The following NBAS variants were observed in gnomAD, a reference collection of about 807,000 sequenced individuals.
NBAS encodes NAG/BC035112 fusion.
NBAS carries 219 observed loss-of-function variants against 302.5 expected under a neutral mutation model. That is an observed-to-expected ratio of 0.72 (90% CI 0.65 to 0.81). NBAS has a LOEUF of 0.81. Ranked by LOEUF, NBAS falls within the 30% of genes least tolerant of loss-of-function variation. NBAS has a pLI of 0.00. For missense variants in NBAS, 2,932 were observed against 2,841.6 expected, an observed-to-expected ratio of 1.03 and a Z score of -0.72; for synonymous variants, 1,118 against 1,021.6, an observed-to-expected ratio of 1.09 and a Z score of -1.80.
chr2:14,807,694 G>A, the NBAS span, among the ~76,000 whole-genome samples: 2 of 151,960 alleles, frequency 1.3e-5, no homozygotes, highest in African/African-American at 4.8e-5. Flanking sequence ...TCACCTAAAG[G>A]CAAAGTGATG....
At chr2:14,945,174 T>G in the NBAS span, among the ~76,000 whole-genome samples, 1 of 152,280 alleles carries the variant, frequency 6.6e-6, no homozygotes, top group Non-Finnish European at 1.5e-5. Flanking sequence ...AATATCCCCT[T>G]TGGGACTTCC....
At chr2:15,425,813 A>G (rs1677443526) in intron 22 of NBAS, among the ~76,000 whole-genome samples, 1 of 152,132 alleles carries the variant, frequency 6.6e-6, no homozygotes, top group South Asian at 2.1e-4. Context: ...TCAGTTCTGC[A>G]TATTTATTTC....
At chr2:14,797,114 AC>A in the NBAS span, among the ~76,000 whole-genome samples, 30 of 135,156 alleles carry the variant, frequency 2.2e-4, no homozygotes, top group African/African-American at 8.2e-4. Context: ...AAAAAAAAAA[AC>A]CAAAAACAGA....
At chr2:15,460,312 AG>A (rs1317278406) in intron 21 of NBAS, among the ~76,000 whole-genome samples, 15 of 152,180 alleles carry the variant, frequency 9.9e-5, no homozygotes, top group Admixed American at 9.8e-4. Context: ...TAAGCAAGAC[AG>A]GGACTTCAAC....
intron 6 of NBAS, among the ~76,000 whole-genome samples, chr2:15,542,132 A>G: frequency 1.2e-5 from 1 of 84,254 alleles, no homozygotes; most frequent in Non-Finnish European, 2.8e-5. Context: ...AGGTGTACCC[A>G]ACAGCTCATT....
intron 11 of NBAS, among the ~76,000 whole-genome samples, chr2:15,495,887 A>G (rs945135326): frequency 1.3e-5 from 2 of 152,290 alleles, no homozygotes; most frequent in Admixed American, 6.5e-5. Flanking sequence ...CAACTCCTCA[A>G]ATGGCTAAAC....
chr2:15,536,942 G>A (rs1227445082), intron 7 of NBAS, among the ~76,000 whole-genome samples: 2 of 152,146 alleles, frequency 1.3e-5, no homozygotes, highest in African/African-American at 4.8e-5. Flanking sequence ...AGTAGCCTGC[G>A]GTAAAAAAGT....
chr2:15,030,608 G>A, the NBAS span, among the ~76,000 whole-genome samples: 3 of 152,086 alleles, frequency 2.0e-5, no homozygotes, highest in East Asian at 3.9e-4. Context: ...TGGCAGTGCC[G>A]TGTGTGTGAG....
the NBAS span, among the ~76,000 whole-genome samples, chr2:14,887,338 G>T: frequency 1.3e-5 from 2 of 148,806 alleles, no homozygotes; most frequent in East Asian, 3.9e-4. Context: ...AGGAGGTGGA[G>T]GTTGCAGTGA....
intron 21 of NBAS, among the ~76,000 whole-genome samples, chr2:15,432,771 A>G (rs2148494537): frequency 6.6e-6 from 1 of 152,324 alleles, no homozygotes; most frequent in East Asian, 1.9e-4. Context: ...GGTTGACATC[A>G]CTGAACAAGT....
At chr2:15,427,578 A>C (rs1416328070) in intron 22 of NBAS, 133 bp downstream of exon 22, 1 of 743,574 alleles carries the variant, frequency 1.3e-6, no homozygotes, top group Non-Finnish European at 2.3e-6. Flanking sequence ...AGGAGTTTAA[A>C]ACTTCACTCA....
chr2:15,404,232 C>T (rs1455206595), intron 25 of NBAS, among the ~76,000 whole-genome samples: 1 of 152,134 alleles, frequency 6.6e-6, no homozygotes, highest in Non-Finnish European at 1.5e-5. Flanking sequence ...AGCCAGGATT[C>T]AAACCAGGCA....
At chr2:15,040,614 C>T in the NBAS span, among the ~76,000 whole-genome samples, 1 of 152,194 alleles carries the variant, frequency 6.6e-6, no homozygotes. Context: ...AGCAGTTGGC[C>T]TGCACCAAGC....
the NBAS span, among the ~76,000 whole-genome samples, chr2:15,001,525 ATATAGT>A: frequency 6.6e-6 from 1 of 152,212 alleles, no homozygotes; most frequent in Non-Finnish European, 1.5e-5. Context: ...TAGATTACAA[ATATAGT>A]TATATTACAA....
Position 15,461,272 on chromosome 2 carries a change from G to A in NBAS, c.2268C>T (p.Arg756=). The A allele has an allele frequency of 6.2e-7, 1 of 1,613,416 alleles. No homozygotes were observed. The highest frequency in any genetic ancestry group is 8.5e-7 in the Non-Finnish European group (1 of 1,179,500). ...CTGGAAAGTTGGACAGAATTGCAAG[G>A]CGATGAGGAAGCAGGTCGGAACCAT... ...TYHGSDLLPH[R]LAILSNFPET... The change falls in exon 21 of 52, where the codon CGC becomes CGT. Residue 756 remains arginine, a synonymous_variant. Coordinates refer to ENST00000281513, the MANE Select transcript of NBAS (RefSeq NM_015909.4).
intron 21 of NBAS, among the ~76,000 whole-genome samples, chr2:15,430,847 C>T (rs533639269): frequency 6.6e-6 from 1 of 152,148 alleles, no homozygotes; most frequent in Non-Finnish European, 1.5e-5. Flanking sequence ...CGCTCGGTCG[C>T]CCAGTCTGGA....
the NBAS span, among the ~76,000 whole-genome samples, chr2:14,829,823 G>A: frequency 5.3e-4 from 80 of 152,266 alleles, no homozygotes; most frequent in Non-Finnish European, 8.5e-4. Context: ...AGAAAACTCC[G>A]CATTCATTTT....
chr2:14,781,303 A>G, the NBAS span, among the ~76,000 whole-genome samples: 1 of 152,230 alleles, frequency 6.6e-6, no homozygotes, highest in Non-Finnish European at 1.5e-5. Flanking sequence ...TTTCCAGCTC[A>G]TTAACTTGCT....
chr2:14,966,541 G>T, the NBAS span, among the ~76,000 whole-genome samples: 3 of 152,148 alleles, frequency 2.0e-5, no homozygotes, highest in African/African-American at 7.2e-5. Context: ...TGCAACTACT[G>T]TATTCTCCAT....
Sources: allele counts gnomAD v4.1 joint callset (sites outside exome capture counted in the v4.1 genomes callset), GRCh38; gene constraint gnomAD v4.1.1; transcripts MANE v1.5; gene names NCBI Gene and HGNC (gene_info 2026-07-23, HGNC 2026-07-21).